The following ITGB6 variants were observed in gnomAD, a reference collection of about 807,000 sequenced individuals.
The protein encoded by ITGB6 is integrin subunit beta 6.
ITGB6 carries 80 observed loss-of-function variants against 84.5 expected under a neutral mutation model. The observed-to-expected ratio is 0.95, with a 90% CI of 0.79 to 1.14. The LOEUF (loss-of-function observed/expected upper bound fraction) is 1.14. ITGB6 is among the 50% of genes most tolerant of loss of function. The probability of loss-of-function intolerance (pLI) is 0.00; values close to 1 mark genes in which losing one functional copy is unlikely to be tolerated. For missense variants in ITGB6, 1,006 were observed against 968.0 expected, an observed-to-expected ratio of 1.04 and a Z score of -0.52; for synonymous variants, 383 against 354.9, an observed-to-expected ratio of 1.08 and a Z score of -0.89.
At chr2:160,154,827 A>G (rs1014051479) in intron 7 of ITGB6, among the ~76,000 whole-genome samples, 8 of 152,236 alleles carry the variant, frequency 5.3e-5, no homozygotes, top group African/African-American at 1.4e-4. Flanking sequence ...AAAGAAGCCA[A>G]TCTGAAAAGG....
intron 7 of ITGB6, among the ~76,000 whole-genome samples, chr2:160,149,166 T>C (rs775544165): frequency 3.4e-4 from 52 of 152,260 alleles, no homozygotes; most frequent in Admixed American, 5.9e-4. Flanking sequence ...CTGATCCCCA[T>C]GTAGCCTAAC....
intron 12 of ITGB6, 65 bp downstream of exon 12, chr2:160,123,726 G>C (rs1306103640): frequency 1.7e-6 from 2 of 1,211,014 alleles, no homozygotes; most frequent in Admixed American, 3.5e-5. Context: ...ATTCACAGAG[G>C]GTCAAGAACT....
intron 4 of ITGB6, among the ~76,000 whole-genome samples, chr2:160,184,419 A>C (rs1014805277): frequency 1.3e-5 from 2 of 152,240 alleles, no homozygotes; most frequent in African/African-American, 2.4e-5. Flanking sequence ...CCCTCCCAAG[A>C]CTAAACCAGG....
At chr2:160,183,449 A>G (rs1323598243) in intron 4 of ITGB6, among the ~76,000 whole-genome samples, 2 of 152,206 alleles carry the variant, frequency 1.3e-5, no homozygotes, top group African/African-American at 4.8e-5. Context: ...ACTATCCTAA[A>G]TATATATGCA....
At chr2:160,131,509 T>C (rs1683467509) in intron 10 of ITGB6, among the ~76,000 whole-genome samples, 1 of 152,178 alleles carries the variant, frequency 6.6e-6, no homozygotes, top group Non-Finnish European at 1.5e-5. Flanking sequence ...GCAGAGTGTC[T>C]ATTCCAATGC....
intron 10 of ITGB6, among the ~76,000 whole-genome samples, chr2:160,133,263 C>T (rs982979160): frequency 6.6e-6 from 1 of 152,042 alleles, no homozygotes; most frequent in Admixed American, 6.6e-5. Context: ...GGTTGCAATC[C>T]TAGTCTCTGA....
intron 10 of ITGB6, among the ~76,000 whole-genome samples, chr2:160,137,103 G>T (rs1574073389): frequency 6.6e-6 from 1 of 151,962 alleles, no homozygotes; most frequent in African/African-American, 2.4e-5. Context: ...ACAGCTGCTT[G>T]GTCCAGAAAA....
At position 160,137,499 on chromosome 2, in the gene ITGB6, A is replaced by G. The variant is rs376026402; in HGVS notation, c.1595T>C (p.Ile532Thr). 8 of 1,614,132 alleles carry G rather than the reference A, an allele frequency of 5.0e-6. No homozygotes were observed. The East Asian group carries it at 1.6e-4, about 31-fold the overall frequency. ...GTCACACTGGCAATAAGGCCCATAA[A>G]TGTTTCCATAGGGAGACAAGTGGCA... is the stretch of plus-strand genomic sequence containing the variant. ...CICHLSPYGN[I>T]YGPYCQCDNF... is the part of the protein sequence containing the mutation. The change falls in exon 10 of 15, where the codon ATT becomes ACT. Residue 532 changes from isoleucine to threonine, a missense_variant. Coordinates refer to ENST00000283249, the MANE Select transcript of ITGB6 (RefSeq NM_000888.5).
chr2:160,121,073 T>TA (rs986869711), intron 12 of ITGB6, among the ~76,000 whole-genome samples: 1 of 151,068 alleles, frequency 6.6e-6, no homozygotes, highest in African/African-American at 2.4e-5. Context: ...TAATAAAATT[T>TA]AAAAAAAAGA....
intron 13 of ITGB6, among the ~76,000 whole-genome samples, chr2:160,108,252 T>TGTGC (rs1553475982): frequency 6.8e-6 from 1 of 148,070 alleles, no homozygotes; most frequent in Non-Finnish European, 1.5e-5. Context: ...TGTGTGTGTG[T>TGTGC]GTGCTGCATG....
chr2:160,154,111 C>T (rs1390082177), intron 7 of ITGB6, among the ~76,000 whole-genome samples: 1 of 152,192 alleles, frequency 6.6e-6, no homozygotes, highest in Non-Finnish European at 1.5e-5. Context: ...AGAAATCATG[C>T]TGCTATAAAG....
At position 160,126,380 on chromosome 2, in the gene ITGB6, G is replaced by C. The variant is rs202195621; in HGVS notation, c.1882C>G (p.Arg628Gly). ...AATGGAGAAAAGCAGAGACATTACCGTTTAGAGTTACAGGGGTCACCACAG... is the reference window on the plus strand; with the variant it reads ...AATGGAGAAAAGCAGAGACATTACCCTTTAGAGTTACAGGGGTCACCACAG... ...PTCGDPCNSK[R>G]SCIECHLSAA... The change falls in exon 11 of 15, where the codon CGG becomes GGG. Residue 628 changes from arginine (R) to glycine (G), a missense_variant and splice_region_variant. Coordinates refer to ENST00000283249, the MANE Select transcript of ITGB6 (RefSeq NM_000888.5). 2.5e-6 allele frequency: 4 copies of C among 1,613,464 alleles called. No individual in the cohort carries two copies. The highest frequency in any genetic ancestry group is 3.4e-6 in the Non-Finnish European group (4 of 1,179,510).
At chr2:160,103,072 A>G (rs1200516055) in intron 14 of ITGB6, among the ~76,000 whole-genome samples, 2 of 152,046 alleles carry the variant, frequency 1.3e-5, no homozygotes, top group East Asian at 1.9e-4. Flanking sequence ...CCCATTACTG[A>G]GTATGTATGG....
In ITGB6 at chr2:160,115,384, T is replaced by A. The variant is rs1437425803; in HGVS notation, c.1982-3185A>T. Among the ~76,000 whole-genome samples, 3 of 152,336 alleles carry A rather than the reference T, an allele frequency of 2.0e-5. No homozygotes were observed. The East Asian group carries it at 5.8e-4, about 29-fold the overall frequency. On this transcript the variant is annotated intron_variant, in intron 12 of 14. Transcript: ENST00000283249. ...ACCACTGTTCTGCAGCCACCGCTGC[T>A]GATACCCAGGCAAACAGGGTCTGGA...
intron 4 of ITGB6, among the ~76,000 whole-genome samples, chr2:160,192,231 T>C (rs917909187): frequency 2.6e-5 from 4 of 152,152 alleles, no homozygotes; most frequent in African/African-American, 7.2e-5. Flanking sequence ...TATAAAGCTC[T>C]GTAAGGGGGG....
intron 10 of ITGB6, among the ~76,000 whole-genome samples, chr2:160,130,600 G>A (rs1420171955): frequency 6.6e-6 from 1 of 152,122 alleles, no homozygotes; most frequent in African/African-American, 2.4e-5. Context: ...TTTCAACTGT[G>A]TTTCATAACC....
At chr2:160,137,382 C>A (rs2105817972) in intron 10 of ITGB6, 52 bp downstream of exon 10, 3 of 1,540,996 alleles carry the variant, frequency 1.9e-6, no homozygotes, top group Non-Finnish European at 2.6e-6. Context: ...TGCCAAGCCC[C>A]TTGCTGATAC....
In ITGB6 at chr2:160,101,770, T is replaced by G. The variant is rs1696728850; in HGVS notation, c.2333A>C (p.Glu778Ala). ...TFKNVTYKHR[E>A]KQKVDLSTDC ...TGTGGAAAGGTCTACCTTTTGTTTT[T>G]CCCTGTGTTTATAAGTTACATTTTT... Residue 778 changes from glutamate to alanine, a missense_variant, in exon 15 of 15, where the codon GAA becomes GCA. By Grantham distance (107) the Glu-to-Ala change is moderately radical (BLOSUM62 -1). Coordinates refer to ENST00000283249, the MANE Select transcript of ITGB6 (RefSeq NM_000888.5). 1 of 1,601,994 alleles carries G rather than the reference T, an allele frequency of 6.2e-7. No homozygotes were observed. The highest frequency in any genetic ancestry group is 8.6e-7 in the Non-Finnish European group (1 of 1,169,192).
In ITGB6 at chr2:160,137,661, A is replaced by T; in HGVS notation, c.1433T>A (p.Val478Glu). The T allele has an allele frequency of 6.2e-7, 1 of 1,614,022 alleles. No homozygotes were observed. ...HHGNGSFQCG[V>E]CACHPGHMGP... ...CATGTGGCCAGGGTGGCAGGCACAC[A>T]CCCCACACTGGAAAGAGCCGTTCCC... Residue 478 changes from valine (V) to glutamate (E), a missense_variant, in exon 10 of 15, where the codon GTG becomes GAG. Val to Glu is a moderately radical substitution (Grantham distance 121). Coordinates refer to ENST00000283249, the MANE Select transcript of ITGB6 (RefSeq NM_000888.5).
Sources: allele counts gnomAD v4.1 joint callset (sites outside exome capture counted in the v4.1 genomes callset), GRCh38; gene constraint gnomAD v4.1.1; transcripts MANE v1.5; gene names NCBI Gene and HGNC (gene_info 2026-07-23, HGNC 2026-07-21).